The following TBC1D19 variants were observed in gnomAD, a reference collection of about 807,000 sequenced individuals.
TBC1D19 encodes TBC1 domain family, member 19.
A neutral mutation model predicts 89.0 loss-of-function variants in TBC1D19; 60 were observed. The observed-to-expected ratio is 0.67, with a 90% CI of 0.55 to 0.84. The LOEUF (loss-of-function observed/expected upper bound fraction) is 0.84. Ranked by LOEUF, TBC1D19 falls within the 40% of genes least tolerant of loss-of-function variation. The probability of loss-of-function intolerance (pLI) is 0.00; values close to 1 mark genes in which losing one functional copy is unlikely to be tolerated. For missense variants in TBC1D19, 500 were observed against 610.8 expected (o/e 0.82, Z 1.91); for synonymous variants, 189 against 199.7 (o/e 0.95, Z 0.45).
chr4:26,842,632 C>CTTTA, the TBC1D19 span, among the ~76,000 whole-genome samples: 3 of 126,348 alleles, frequency 2.4e-5, no homozygotes, highest in Admixed American at 1.8e-4. Context: ...TTCTTTCTTT[C>CTTTA]TTTCTTTCTT....
the TBC1D19 span, among the ~76,000 whole-genome samples, chr4:26,814,538 T>G: frequency 3.3e-5 from 5 of 152,246 alleles, no homozygotes; most frequent in African/African-American, 1.2e-4. Context: ...TGTCCTTTGC[T>G]GCCTGTGCTT....
intron 1 of TBC1D19, among the ~76,000 whole-genome samples, chr4:26,593,535 C>T (rs1361716997): frequency 4.6e-5 from 7 of 152,070 alleles, no homozygotes; most frequent in Admixed American, 3.3e-4. Flanking sequence ...AAGAAACTAC[C>T]GTCAGAGTGA....
chr4:26,669,404 A>G (rs2109100059), intron 9 of TBC1D19, among the ~76,000 whole-genome samples: 1 of 151,920 alleles, frequency 6.6e-6, no homozygotes, highest in South Asian at 2.1e-4. Context: ...GCATCTTCCA[A>G]GATCATTTTA....
intron 13 of TBC1D19, among the ~76,000 whole-genome samples, chr4:26,693,371 T>G (rs1714468078): frequency 6.6e-6 from 1 of 152,042 alleles, no homozygotes; most frequent in Non-Finnish European, 1.5e-5. Context: ...ATAAATATAT[T>G]CAAAGAACTA....
chr4:26,705,501 A>C (rs1715668568), intron 13 of TBC1D19, among the ~76,000 whole-genome samples: 1 of 152,138 alleles, frequency 6.6e-6, no homozygotes, highest in African/African-American at 2.4e-5. Flanking sequence ...TTGCATATAG[A>C]TATCCAGTTT....
intron 8 of TBC1D19, among the ~76,000 whole-genome samples, chr4:26,663,255 T>C (rs1430925101): frequency 6.6e-6 from 1 of 152,180 alleles, no homozygotes; most frequent in Admixed American, 6.5e-5. Flanking sequence ...AATGAAAACA[T>C]TGATAAGTAC....
At chr4:26,579,227 A>G (rs974392140), upstream of TBC1D19, among the ~76,000 whole-genome samples, 3 of 152,142 alleles carry the variant, frequency 2.0e-5, no homozygotes, top group Admixed American at 6.5e-5. Context: ...TCCCAGTACC[A>G]CTCTCACATA....
intron 1 of TBC1D19, among the ~76,000 whole-genome samples, chr4:26,592,259 C>G (rs1700497468): frequency 6.6e-6 from 1 of 152,140 alleles, no homozygotes; most frequent in African/African-American, 2.4e-5. Flanking sequence ...TTAATAGATG[C>G]AGAAAAGGCC....
chr4:26,746,683 T>C (rs1718668309), intron 18 of TBC1D19, among the ~76,000 whole-genome samples: 1 of 152,198 alleles, frequency 6.6e-6, no homozygotes, highest in African/African-American at 2.4e-5. Context: ...TACTGAGCCC[T>C]GTATATACAC....
intron 4 of TBC1D19, among the ~76,000 whole-genome samples, chr4:26,627,267 A>G (rs1363346136): frequency 1.3e-5 from 2 of 151,896 alleles, no homozygotes. Flanking sequence ...TATGTGCCAC[A>G]TTTTCTTAAT....
chr4:26,633,873 T>A (rs981709908), intron 4 of TBC1D19, among the ~76,000 whole-genome samples: 3 of 152,166 alleles, frequency 2.0e-5, no homozygotes, highest in Non-Finnish European at 4.4e-5. Flanking sequence ...TAAGCCAAAC[T>A]GATTTTGAAA....
chr4:26,843,524 A>G, the TBC1D19 span, among the ~76,000 whole-genome samples: 7 of 151,716 alleles, frequency 4.6e-5, no homozygotes, highest in African/African-American at 1.5e-4. Context: ...CTATATTACA[A>G]TTTTATCAAC....
Position 26,672,289 on chromosome 4 carries a change from G to A in TBC1D19, c.703+102G>A, listed in dbSNP as rs909350476. 19 of 970,798 alleles carry A rather than the reference G, an allele frequency of 2.0e-5. No individual in the cohort carries two copies. In the Admixed American group the frequency reaches 6.6e-4, roughly 34 times the overall value. The allele number at this position is 970,798 out of a possible 1,614,324, so 60.1% of individuals were successfully genotyped here. A position where few individuals can be genotyped will look rare whatever the true frequency, so the allele number is the denominator to read the frequency against. ...CCAGGTGAAATTTAATCTCTGAAAA[G>A]TGAAAAACCTAAAGAGGGGTAATAT... is the stretch of plus-strand genomic sequence containing the variant. On this transcript the variant is annotated intron_variant, in intron 10 of 20. Coordinates refer to ENST00000264866, the MANE Select transcript of TBC1D19 (RefSeq NM_018317.4).
the TBC1D19 span, among the ~76,000 whole-genome samples, chr4:26,826,468 A>G: frequency 3.3e-5 from 5 of 152,198 alleles, no homozygotes; most frequent in Admixed American, 6.5e-5. Context: ...GGGGAAAAAT[A>G]AGTGTCATTA....
chr4:26,802,591 G>T, the TBC1D19 span, among the ~76,000 whole-genome samples: 1 of 152,156 alleles, frequency 6.6e-6, no homozygotes, highest in Non-Finnish European at 1.5e-5. Flanking sequence ...AACAGAGCAA[G>T]ACCCTGTGTC....
chr4:26,844,969 A>G, the TBC1D19 span, among the ~76,000 whole-genome samples: 1 of 152,252 alleles, frequency 6.6e-6, no homozygotes, highest in Non-Finnish European at 1.5e-5. Context: ...TTGAAATTAA[A>G]TTATATATAC....
intron 15 of TBC1D19, among the ~76,000 whole-genome samples, chr4:26,724,368 A>G (rs1038057901): frequency 1.3e-5 from 2 of 152,118 alleles, no homozygotes; most frequent in Non-Finnish European, 2.9e-5. Context: ...TTGAAAATGG[A>G]ATAATTTGAA....
At chr4:26,744,338 T>C (rs1398510349) in intron 18 of TBC1D19, among the ~76,000 whole-genome samples, 1 of 151,716 alleles carries the variant, frequency 6.6e-6, no homozygotes, top group Non-Finnish European at 1.5e-5. Flanking sequence ...TTTTGTACCA[T>C]TGATTCTTTT....
At chr4:26,705,814 A>T (rs566889049) in intron 13 of TBC1D19, among the ~76,000 whole-genome samples, 16 of 152,252 alleles carry the variant, frequency 1.1e-4, no homozygotes, top group African/African-American at 3.4e-4. Context: ...GTTGGTATCA[A>T]GGTAATACTG....
Sources: gnomAD v4.1 joint callset for allele counts (sites outside exome capture counted in the v4.1 genomes callset) on GRCh38, gnomAD v4.1.1 for gene constraint, MANE v1.5 for transcripts, NCBI Gene and HGNC (gene_info 2026-07-23, HGNC 2026-07-21) for gene names.